Variants in CDH13 observed in about 807,000 individuals in gnomAD.
The protein encoded by CDH13 is cadherin-13.
Under a neutral mutation model 63.8 loss-of-function variants are expected in CDH13, and 24 were observed. The ratio of observed to expected loss-of-function variants is 0.38; its 90% confidence interval spans 0.27 to 0.53. The LOEUF is 0.53. Among genes scored for constraint, CDH13 ranks in the 20% least tolerant of loss-of-function variants. CDH13 has a pLI of 0.85. For missense variants in CDH13, 1,049 were observed against 903.1 expected, an observed-to-expected ratio of 1.16 and a Z score of -2.07; for synonymous variants, 503 against 355.3, an observed-to-expected ratio of 1.42 and a Z score of -4.67.
At chr16:83,292,939 A>C (rs538529246) in intron 5 of CDH13, among the ~76,000 whole-genome samples, 1 of 152,288 alleles carries the variant, frequency 6.6e-6, no homozygotes, top group African/African-American at 2.4e-5. Context: ...AATTATATCA[A>C]ATACTCGATT....
intron 2 of CDH13, among the ~76,000 whole-genome samples, chr16:83,028,254 T>A (rs1250339409): frequency 6.6e-6 from 1 of 152,236 alleles, no homozygotes; most frequent in African/African-American, 2.4e-5. Context: ...TGTCACTTCT[T>A]CATAGTTCAC....
chr16:82,627,132 T>G lies in CDH13; in HGVS notation c.40T>G (p.Ser14Ala). Residue 14 changes from serine to alanine, a missense_variant, in exon 1 of 14, where the codon TCC becomes GCC. Transcript: ENST00000567109. The stretch of plus-strand genomic sequence containing the variant: ...TCCGCTCGTTCTGTGCGTTCTCCTG[T>G]CCCAGGTAGGGAAGAGGGGCTGCCG... ...RTPLVLCVLLSQVLLLTSAED... is the reference protein window; with the variant it reads ...RTPLVLCVLLAQVLLLTSAED... The G allele has an allele frequency of 6.2e-7, 1 of 1,607,026 alleles. No homozygotes were observed. The highest frequency in any genetic ancestry group is 8.5e-7 in the Non-Finnish European group (1 of 1,177,116).
intron 3 of CDH13, among the ~76,000 whole-genome samples, chr16:83,092,858 A>C (rs1486084750): frequency 1.3e-5 from 2 of 152,198 alleles, no homozygotes; most frequent in Non-Finnish European, 2.9e-5. Flanking sequence ...TTGCTCAGTA[A>C]CTATGTGGGT....
chr16:82,959,737 T>C (rs1906681508), intron 2 of CDH13, among the ~76,000 whole-genome samples: 1 of 152,226 alleles, frequency 6.6e-6, no homozygotes, highest in African/African-American at 2.4e-5. Context: ...TATAAGTTCC[T>C]TTATATCTCC....
intron 1 of CDH13, among the ~76,000 whole-genome samples, chr16:82,780,903 G>A (rs190622323): frequency 3.9e-5 from 6 of 152,378 alleles, no homozygotes; most frequent in Admixed American, 3.9e-4. Context: ...CAGTAGCTGA[G>A]TAGTGTACTT....
intron 1 of CDH13, among the ~76,000 whole-genome samples, chr16:82,739,258 C>G (rs1203272550): frequency 6.6e-6 from 1 of 151,848 alleles, no homozygotes; most frequent in Non-Finnish European, 1.5e-5. Flanking sequence ...GATGATATGC[C>G]CTTATGTGTG....
chr16:83,521,198 G>C (rs28372540), intron 7 of CDH13, among the ~76,000 whole-genome samples: 1 of 152,112 alleles, frequency 6.6e-6, no homozygotes, highest in Non-Finnish European at 1.5e-5. Flanking sequence ...ACTGCCTTGC[G>C]TGTTAGCTCT....
chr16:83,490,880 C>A lies in CDH13; in HGVS notation c.960+4225C>A, dbSNP rs113949365. ...CCATTTACTTGTTCGGAAAACCCTACCAGAATATACGCTTCTGGAAGAAAG... is the reference window on the plus strand; with the variant it reads ...CCATTTACTTGTTCGGAAAACCCTAACAGAATATACGCTTCTGGAAGAAAG... On this transcript the variant is annotated intron_variant, in intron 7 of 13. Transcript: ENST00000567109. Among the ~76,000 whole-genome samples, 11 of 152,292 alleles carry A rather than the reference C, an allele frequency of 7.2e-5. 1 individual carries two copies. Among genetic ancestry groups the A allele is most frequent in the African/African-American group, 2.6e-4 (11 of 41,570 alleles).
intron 2 of CDH13, among the ~76,000 whole-genome samples, chr16:82,903,153 G>A (rs1427213099): frequency 1.3e-5 from 2 of 152,238 alleles, no homozygotes; most frequent in African/African-American, 4.8e-5. Context: ...GCCTCTGCCT[G>A]TTGACTTATT....
At position 82,988,761 on chromosome 16, in the gene CDH13, C is replaced by CA. The variant is rs34153442; in HGVS notation, c.158-43232dup. Among the ~76,000 whole-genome samples the CA allele has an allele frequency of 3.5e-3, 342 of 99,110 alleles. 1 individual carries two copies. Among genetic ancestry groups the CA allele is most frequent in the East Asian group, 6.6e-3 (21 of 3,180 alleles). The allele number at this position is 99,110 out of a possible 152,430, so 65.0% of individuals were successfully genotyped here. ...TGGGAGACAGAGTGAAACTCCAACT[C>CA]AAAAAAAAAAAAAAAAATGCGAGTA... On this transcript the variant is annotated intron_variant, in intron 2 of 13. Coordinates refer to ENST00000567109, the MANE Select transcript of CDH13 (RefSeq NM_001257.5).
intron 1 of CDH13, among the ~76,000 whole-genome samples, chr16:82,846,339 A>G (rs1197292416): frequency 1.3e-5 from 2 of 151,776 alleles, no homozygotes; most frequent in Non-Finnish European, 2.9e-5. Flanking sequence ...TAACTATAAT[A>G]TTAATGTATA....
intron 7 of CDH13, among the ~76,000 whole-genome samples, chr16:83,565,202 G>T (rs1414379713): frequency 6.6e-6 from 1 of 151,896 alleles, no homozygotes; most frequent in African/African-American, 2.4e-5. Context: ...CTCGCCCAAG[G>T]CTTACTTCTC....
intron 4 of CDH13, among the ~76,000 whole-genome samples, chr16:83,145,684 C>T (rs1218534934): frequency 1.3e-5 from 2 of 152,144 alleles, no homozygotes; most frequent in East Asian, 3.9e-4. Context: ...TCATGCTAGG[C>T]TTATTCTCTT....
chr16:83,126,830 C>G (rs1050917390), intron 4 of CDH13, among the ~76,000 whole-genome samples: 5 of 152,056 alleles, frequency 3.3e-5, no homozygotes, highest in African/African-American at 1.2e-4. Context: ...AAGCTTTGGA[C>G]TGGGTGTGAA....
At chr16:83,633,304 T>C (rs974089394) in intron 8 of CDH13, among the ~76,000 whole-genome samples, 2 of 152,174 alleles carry the variant, frequency 1.3e-5, no homozygotes, top group African/African-American at 2.4e-5. Context: ...ATGAGGTGAA[T>C]AAAGGTGGCA....
chr16:83,251,644 A>G (rs933673856), intron 5 of CDH13, among the ~76,000 whole-genome samples: 5 of 152,246 alleles, frequency 3.3e-5, no homozygotes, highest in Non-Finnish European at 7.3e-5. Context: ...TCTCTCCTGC[A>G]GGATGGTCTG....
intron 1 of CDH13, among the ~76,000 whole-genome samples, chr16:82,833,667 T>C (rs2038642301): frequency 6.6e-6 from 1 of 152,216 alleles, no homozygotes. Flanking sequence ...TAGCCTAATG[T>C]CAACCTAGTG....
intron 1 of CDH13, among the ~76,000 whole-genome samples, chr16:82,764,712 C>A (rs2034983770): frequency 6.6e-6 from 1 of 151,994 alleles, no homozygotes; most frequent in Non-Finnish European, 1.5e-5. Context: ...GACACAAATT[C>A]AGGAGGTAAT....
intron 1 of CDH13, among the ~76,000 whole-genome samples, chr16:82,792,021 A>C (rs1440186208): frequency 6.6e-6 from 1 of 152,144 alleles, no homozygotes; most frequent in Non-Finnish European, 1.5e-5. Context: ...GGGGACACAA[A>C]GGCTTTCATG....
Sources: allele counts gnomAD v4.1 joint callset (sites outside exome capture counted in the v4.1 genomes callset), GRCh38; gene constraint gnomAD v4.1.1; transcripts MANE v1.5; gene names NCBI Gene and HGNC (gene_info 2026-07-23, HGNC 2026-07-21).